GALNT15: variants seen among roughly 807,000 people sequenced by gnomAD.
GALNT15 encodes UDP-GalNAc transferase T15.
Under a neutral mutation model 66.8 loss-of-function variants are expected in GALNT15, and 67 were observed. That is an observed-to-expected ratio of 1.00 (90% CI 0.82 to 1.23). The LOEUF is 1.23. GALNT15 is among the 50% of genes most tolerant of loss of function. The pLI, the probability that GALNT15 is intolerant of heterozygous loss-of-function variation, is 0.00. For synonymous variants in GALNT15, 313 were observed against 311.5 expected, an observed-to-expected ratio of 1.00 and a Z score of -0.05; for missense variants, 827 against 804.3, an observed-to-expected ratio of 1.03 and a Z score of -0.34.
At position 16,183,543 on chromosome 3, in the gene GALNT15, G is replaced by A. The variant is rs1310747496; in HGVS notation, c.539+7853G>A. Among the ~76,000 whole-genome samples, 2 of 152,204 alleles carry A rather than the reference G, an allele frequency of 1.3e-5. No homozygotes were observed. Among genetic ancestry groups the A allele is most frequent in the Non-Finnish European group, 2.9e-5 (2 of 68,042 alleles). On this transcript the variant is annotated intron_variant, in intron 1 of 9. Transcript: ENST00000339732. This position sits in a 1 kb window ranked among gnomAD's most constrained non-coding sequence, Gnocchi z 5.2. ...TCTTTCTTCCTTCAGTGAACAAATA[G>A]CTATTGAACAACTATCAGAAGTAAG...
the GALNT15 span, among the ~76,000 whole-genome samples, chr3:16,248,031 T>C: frequency 6.6e-6 from 1 of 152,200 alleles, no homozygotes; most frequent in Non-Finnish European, 1.5e-5. This position sits in a 1 kb window ranked among gnomAD's most constrained non-coding sequence, Gnocchi z 4.9. Flanking sequence ...TCCCACCTGC[T>C]CCATTTTCAC....
At position 16,227,265 on chromosome 3, in the gene GALNT15, A is replaced by G; in HGVS notation, c.1774-89A>G. ...AGTTCACACCATCTGTTATTCTCTT[A>G]ATGATTAGCACAAATCTTAAAAATA... On this transcript the variant is annotated intron_variant, in intron 9 of 9. Coordinates refer to ENST00000339732, the MANE Select transcript of GALNT15 (RefSeq NM_054110.5). The surrounding 1 kb of genome is among the most constrained non-coding windows in gnomAD (Gnocchi z 4.5). 1 of 1,357,446 alleles carries G rather than the reference A, an allele frequency of 7.4e-7. No individual in the cohort carries two copies. The highest frequency in any genetic ancestry group is 1.0e-6 in the Non-Finnish European group (1 of 989,900). 84.1% of individuals were successfully genotyped at this position (1,357,446 alleles called of 1,614,324 possible). A position where few individuals can be genotyped will look rare whatever the true frequency, so the allele number is the denominator to read the frequency against.
intron 1 of GALNT15, among the ~76,000 whole-genome samples, chr3:16,177,611 G>T (rs2063423732): frequency 6.6e-6 from 1 of 152,220 alleles, no homozygotes; most frequent in Non-Finnish European, 1.5e-5. Flanking sequence ...CATCTTGTGT[G>T]CATGTGTGTT....
chr3:16,212,514 C>A (rs759084722), intron 5 of GALNT15, 55 bp from the exon 6 acceptor site: 40 of 1,532,618 alleles, frequency 2.6e-5, no homozygotes, highest in African/African-American at 5.5e-5. Context: ...CTCCCTATTT[C>A]CCGCCGTTCT....
downstream of GALNT15, among the ~76,000 whole-genome samples, chr3:16,233,427 C>T (rs1331646445): frequency 1.3e-5 from 2 of 152,074 alleles, no homozygotes; most frequent in Non-Finnish European, 2.9e-5. Context: ...GTAATAACAA[C>T]CGTTGTTAAT....
In GALNT15 at chr3:16,175,899, C is replaced by T. The variant is rs1458683362; in HGVS notation, c.539+209C>T. ...TTCTCAGACCCCATCCCAGACCTGC[C>T]AAACAAGAAACTCTGGGTGGGGTCC... On this transcript the variant is annotated intron_variant, in intron 1 of 9. Transcript: ENST00000339732. This position sits in a 1 kb window ranked among gnomAD's most constrained non-coding sequence, Gnocchi z 5.6. 2.6e-5 allele frequency among the ~76,000 whole-genome samples: 4 copies of T among 152,198 alleles called. No individual in the cohort carries two copies. Among genetic ancestry groups the T allele is most frequent in the African/African-American group, 9.6e-5 (4 of 41,458 alleles).
intron 2 of GALNT15, among the ~76,000 whole-genome samples, chr3:16,199,217 C>T (rs1258483639): frequency 7.1e-6 from 1 of 141,500 alleles, no homozygotes; most frequent in Non-Finnish European, 1.6e-5. Flanking sequence ...CACACACACA[C>T]ACACATGCAC....
chr3:16,177,823 T>C (rs979744304), intron 1 of GALNT15, among the ~76,000 whole-genome samples: 11 of 152,234 alleles, frequency 7.2e-5, no homozygotes, highest in African/African-American at 2.7e-4. Flanking sequence ...ATAAATGCAT[T>C]GTGTGAATGG....
rs556381701 is a variant in GALNT15, at chr3:16,174,733, C to T, written c.-419C>T. On this transcript the variant is annotated 5_prime_UTR_variant, in exon 1 of 10. Coordinates refer to ENST00000339732, the MANE Select transcript of GALNT15 (RefSeq NM_054110.5). This position sits in a 1 kb window ranked among gnomAD's most constrained non-coding sequence, Gnocchi z 4.7. ...CGTCCAAAGAGGGACGGCTGTCAGCCCTGCTTGACTGAGAACCCACCAGCT... is the reference window on the plus strand; with the variant it reads ...CGTCCAAAGAGGGACGGCTGTCAGCTCTGCTTGACTGAGAACCCACCAGCT... 5.5e-5 allele frequency: 10 copies of T among 180,730 alleles called. 1 individual carries two copies. In the South Asian group the frequency reaches 1.4e-3, roughly 25 times the overall value. 11.2% of individuals were successfully genotyped at this position (180,730 alleles called of 1,614,324 possible).
At chr3:16,208,388 A>G (rs989233607) in intron 3 of GALNT15, 115 bp from the exon 4 acceptor site, 1 of 958,342 alleles carries the variant, frequency 1.0e-6, no homozygotes, top group South Asian at 1.9e-5. Flanking sequence ...GGATAAACCC[A>G]TTTTAGGTAC....
the GALNT15 span, among the ~76,000 whole-genome samples, chr3:16,245,735 C>T: frequency 2.0e-5 from 3 of 152,326 alleles, no homozygotes; most frequent in East Asian, 3.9e-4. Context: ...GGGGAAAAGC[C>T]ATATTCCCGG....
rs948424112 is a variant in GALNT15, at chr3:16,198,683, A to G, written c.707-1936A>G. On this transcript the variant is annotated intron_variant, in intron 2 of 9. Transcript: ENST00000339732. Reference sequence around the variant, plus strand: ...ACCAGAAAAATAATTATAAAGTAACACATCAACGAAGCATTTTACCAGTGA... The same window carrying G: ...ACCAGAAAAATAATTATAAAGTAACGCATCAACGAAGCATTTTACCAGTGA... Among the ~76,000 whole-genome samples the G allele has an allele frequency of 1.1e-4, 16 of 142,910 alleles. 2 individuals carry two copies. Among genetic ancestry groups the G allele is most frequent in the African/African-American group, 4.2e-4 (16 of 38,438 alleles). The allele number at this position is 142,910 out of a possible 152,430, so 93.8% of individuals were successfully genotyped here. A position where few individuals can be genotyped will look rare whatever the true frequency, so the allele number is the denominator to read the frequency against.
chr3:16,224,978 CT>C lies in GALNT15; in HGVS notation c.1773+2221del, dbSNP rs1475279559. On this transcript the variant is annotated intron_variant, in intron 9 of 9. Coordinates refer to ENST00000339732, the MANE Select transcript of GALNT15 (RefSeq NM_054110.5). The surrounding 1 kb of genome is among the most constrained non-coding windows in gnomAD (Gnocchi z 5.2). ...CATTGCTATAAAGAAATACTAGAGA[CT>C]GGGTAATTTATAAGAAAAAAGGTGT... 4.6e-5 allele frequency among the ~76,000 whole-genome samples: 7 copies of C among 152,068 alleles called. No individual in the cohort carries two copies. Among genetic ancestry groups the C allele is most frequent in the Admixed American group, 1.3e-4 (2 of 15,272 alleles).
At chr3:16,177,027 TG>T (rs2124831903) in intron 1 of GALNT15, among the ~76,000 whole-genome samples, 1 of 152,348 alleles carries the variant, frequency 6.6e-6, no homozygotes, top group East Asian at 1.9e-4. Flanking sequence ...TCTAGTTTTG[TG>T]CCCTCCTTGC....
At position 16,187,834 on chromosome 3, in the gene GALNT15, A is replaced by G. The variant is rs2063533367; in HGVS notation, c.540-7926A>G. The stretch of plus-strand genomic sequence containing the variant: ...TAAAGCACAGCACCTGGTACATAGG[A>G]CTCCTCATGAAGTGGTGGCTATGAT... On this transcript the variant is annotated intron_variant, in intron 1 of 9. Transcript: ENST00000339732. This position sits in a 1 kb window ranked among gnomAD's most constrained non-coding sequence, Gnocchi z 5.1. Among the ~76,000 whole-genome samples the G allele has an allele frequency of 6.6e-6, 1 of 152,078 alleles. No homozygotes were observed.
At chr3:16,207,215 G>A (rs2063766060) in intron 3 of GALNT15, among the ~76,000 whole-genome samples, 1 of 152,160 alleles carries the variant, frequency 6.6e-6, no homozygotes, top group Admixed American at 6.5e-5. Context: ...AACAGAGATG[G>A]AATTTGATGG....
rs986094638 is a variant in GALNT15 at position 16,188,414 on chromosome 3, A to C, written c.540-7346A>C. Among the ~76,000 whole-genome samples the C allele has an allele frequency of 6.6e-6, 1 of 152,192 alleles. No homozygotes were observed. Among genetic ancestry groups the C allele is most frequent in the South Asian group, 2.1e-4 (1 of 4,834 alleles). On this transcript the variant is annotated intron_variant, in intron 1 of 9. Coordinates refer to ENST00000339732, the MANE Select transcript of GALNT15 (RefSeq NM_054110.5). This position sits in a 1 kb window ranked among gnomAD's most constrained non-coding sequence, Gnocchi z 4.6. Reference sequence around the variant, plus strand: ...TTAAGATATTTCCCAGAAACAGTTCAGGTTTCTGGCTTTTTCTGAAAATCA... The same window carrying C: ...TTAAGATATTTCCCAGAAACAGTTCCGGTTTCTGGCTTTTTCTGAAAATCA...
intron 1 of GALNT15, among the ~76,000 whole-genome samples, chr3:16,179,926 TA>T (rs1370728696): frequency 6.6e-6 from 1 of 152,228 alleles, no homozygotes; most frequent in Non-Finnish European, 1.5e-5. Flanking sequence ...CCGGCCCATT[TA>T]GCCTCCTGTA....
chr3:16,208,392 T>C (rs2063779672), intron 3 of GALNT15, 111 bp from the exon 4 acceptor site: 2 of 974,792 alleles, frequency 2.1e-6, no homozygotes, highest in African/African-American at 3.2e-5. Context: ...AAACCCATTT[T>C]AGGTACGGGT....
Sources: allele counts gnomAD v4.1 joint callset (sites outside exome capture counted in the v4.1 genomes callset), GRCh38; gene constraint gnomAD v4.1.1; non-coding constraint Gnocchi (gnomAD v3.1); transcripts MANE v1.5; gene names NCBI Gene and HGNC (gene_info 2026-07-23, HGNC 2026-07-21).